The following UBE2U variants were observed in gnomAD, a reference collection of about 807,000 sequenced individuals.
The protein encoded by UBE2U is ubiquitin conjugating enzyme E2 U.
UBE2U carries 39 observed loss-of-function variants against 41.2 expected under a neutral mutation model. The observed-to-expected ratio is 0.95, with a 90% CI of 0.73 to 1.24. The LOEUF (loss-of-function observed/expected upper bound fraction) is 1.24, where lower values mean the gene tolerates loss of function less well. UBE2U is among the 50% of genes most tolerant of loss of function. The pLI is 0.00. For synonymous variants in UBE2U, 107 were observed against 117.8 expected (o/e 0.91, Z 0.60); for missense variants, 336 against 363.1 (o/e 0.93, Z 0.61).
At chr1:64,255,700 A>G (rs1254032745) in intron 8 of UBE2U, among the ~76,000 whole-genome samples, 4 of 152,158 alleles carry the variant, frequency 2.6e-5, no homozygotes, top group African/African-American at 9.6e-5. Flanking sequence ...CTTGAAAACC[A>G]TCACAAGACA....
At chr1:64,262,985 G>C (rs779375536) in intron 9 of UBE2U, among the ~76,000 whole-genome samples, 4 of 152,080 alleles carry the variant, frequency 2.6e-5, no homozygotes, top group Non-Finnish European at 5.9e-5. Context: ...GTAAATAGTA[G>C]GATGAAGTAA....
At chr1:64,256,669 G>T (rs1157509136) in intron 8 of UBE2U, among the ~76,000 whole-genome samples, 1 of 152,054 alleles carries the variant, frequency 6.6e-6, no homozygotes, top group Non-Finnish European at 1.5e-5. Context: ...AAAAACCCTA[G>T]ATGAAAATCT....
At chr1:64,257,667 G>T (rs1437721364) in intron 8 of UBE2U, among the ~76,000 whole-genome samples, 1 of 151,300 alleles carries the variant, frequency 6.6e-6, no homozygotes, top group Non-Finnish European at 1.5e-5. Context: ...AATGGATGCT[G>T]GGCTTAGTAC....
intron 6 of UBE2U, among the ~76,000 whole-genome samples, chr1:64,229,807 ATACT>A (rs1050258798): frequency 1.3e-5 from 2 of 152,122 alleles, no homozygotes; most frequent in Non-Finnish European, 2.9e-5. Flanking sequence ...TCTTTTCAAA[ATACT>A]TACTAACTTT....
intron 7 of UBE2U, among the ~76,000 whole-genome samples, chr1:64,237,433 C>A (rs1644690511): frequency 6.6e-6 from 1 of 152,070 alleles, no homozygotes; most frequent in Admixed American, 6.6e-5. Flanking sequence ...TACAAAATTG[C>A]CACAAATGCA....
At chr1:64,235,248 G>A (rs1015050206) in intron 7 of UBE2U, among the ~76,000 whole-genome samples, 1 of 152,268 alleles carries the variant, frequency 6.6e-6, no homozygotes, top group South Asian at 2.1e-4. Context: ...GGTAATAACT[G>A]GCCATTGTTA....
Position 64,210,967 on chromosome 1 carries a change from A to G in UBE2U, c.339+128A>G, listed in dbSNP as rs1411524614. On this transcript the variant is annotated intron_variant, in intron 4 of 9. Transcript: ENST00000371077. The stretch of plus-strand genomic sequence containing the variant: ...GAATTTGAGAAGTTTATTTAAATCC[A>G]TACTTCTATATGAAGGCTACAAAGT... 7.3e-6 allele frequency: 4 copies of G among 550,086 alleles called. No homozygotes were observed. In the Admixed American group the frequency reaches 1.6e-4, roughly 22 times the overall value. The allele number at this position is 550,086 out of a possible 1,614,324, so 34.1% of individuals were successfully genotyped here.
chr1:64,241,715 A>C lies in UBE2U; in HGVS notation c.659A>C (p.Gln220Pro). The change falls in exon 8 of 10, where the codon CAG (glutamine) becomes CCG (proline). Residue 220 changes from glutamine (Q) to proline (P), a missense_variant. Physicochemically the swap from Gln to Pro is moderately conservative, Grantham distance 76. Transcript: ENST00000371077. ...YKWKKMDLQHQKEWNLKYSVI... is the reference protein window; with the variant it reads ...YKWKKMDLQHPKEWNLKYSVI... ...TGGAAGAAAATGGATCTACAGCATC[A>C]GAAAGAATGGAATTTAAAGTAAGAA... 2 of 1,609,614 alleles carry C rather than the reference A, an allele frequency of 1.2e-6. No individual in the cohort carries two copies. Among genetic ancestry groups the C allele is most frequent in the African/African-American group, 1.3e-5 (1 of 74,836 alleles).
chr1:64,257,582 C>T (rs945568971), intron 8 of UBE2U, among the ~76,000 whole-genome samples: 1 of 152,052 alleles, frequency 6.6e-6, no homozygotes, highest in Non-Finnish European at 1.5e-5. Flanking sequence ...GGACACATGA[C>T]AGGGAACAAC....
chr1:64,213,997 C>T (rs559694631), intron 4 of UBE2U, among the ~76,000 whole-genome samples: 10 of 152,220 alleles, frequency 6.6e-5, no homozygotes, highest in Admixed American at 2.0e-4. Flanking sequence ...TCTTATGGGA[C>T]CACCATGATA....
At chr1:64,254,058 G>T (rs1171532773) in intron 8 of UBE2U, among the ~76,000 whole-genome samples, 1 of 152,140 alleles carries the variant, frequency 6.6e-6, no homozygotes, top group Admixed American at 6.6e-5. Flanking sequence ...AAAATAAAGG[G>T]ATGGAGGAAA....
chr1:64,226,677 A>G (rs1652889898), intron 6 of UBE2U, among the ~76,000 whole-genome samples: 1 of 152,102 alleles, frequency 6.6e-6, no homozygotes, highest in Non-Finnish European at 1.5e-5. Flanking sequence ...AAAAGAAGAA[A>G]AAGATATTCA....
chr1:64,220,838 T>C, intron 5 of UBE2U, 21 bp from the exon 6 acceptor site: 1 of 1,592,684 alleles, frequency 6.3e-7, no homozygotes, highest in African/African-American at 1.3e-5. Context: ...ACCAGAATCC[T>C]TTCATATTTT....
chr1:64,264,995 A>G (rs1429976619), intron 9 of UBE2U, among the ~76,000 whole-genome samples: 3 of 152,054 alleles, frequency 2.0e-5, no homozygotes, highest in African/African-American at 7.2e-5. Flanking sequence ...ATGGCATGTG[A>G]CAGGATCCTG....
At chr1:64,260,754 A>G in intron 9 of UBE2U, 60 bp downstream of exon 9, 4 of 1,323,974 alleles carry the variant, frequency 3.0e-6, no homozygotes, top group South Asian at 2.7e-5. Context: ...CATAATATGC[A>G]TAACTTTAAA....
intron 2 of UBE2U, among the ~76,000 whole-genome samples, chr1:64,206,445 T>C (rs1360432121): frequency 6.6e-6 from 1 of 151,288 alleles, no homozygotes; most frequent in African/African-American, 2.4e-5. Flanking sequence ...AGCAAAGACT[T>C]GTAGACAAGA....
chr1:64,210,273 C>T (rs1651585420), intron 3 of UBE2U, among the ~76,000 whole-genome samples: 1 of 152,126 alleles, frequency 6.6e-6, no homozygotes, highest in African/African-American at 2.4e-5. Flanking sequence ...GGGCATATGC[C>T]AAGCTCCTGT....
intron 6 of UBE2U, among the ~76,000 whole-genome samples, chr1:64,231,286 T>G (rs764573513): frequency 1.3e-5 from 2 of 152,032 alleles, no homozygotes; most frequent in Non-Finnish European, 2.9e-5. Context: ...CACGAGACAG[T>G]GTGTTGACAG....
intron 7 of UBE2U, among the ~76,000 whole-genome samples, chr1:64,236,432 T>C: frequency 6.6e-6 from 1 of 152,192 alleles, no homozygotes; most frequent in Non-Finnish European, 1.5e-5. Context: ...TTATAATTTT[T>C]AGTTCATAAG....
Sources: gnomAD v4.1 joint callset for allele counts (sites outside exome capture counted in the v4.1 genomes callset) on GRCh38, gnomAD v4.1.1 for gene constraint, MANE v1.5 for transcripts, NCBI Gene and HGNC (gene_info 2026-07-23, HGNC 2026-07-21) for gene names.